Variants in XKR6 observed in about 807,000 individuals in gnomAD.
The protein encoded by XKR6 is XK related 6, also known as XK-related protein 6.
XKR6 carries 22 observed loss-of-function variants against 56.7 expected under a neutral mutation model. The observed-to-expected ratio is 0.39, with a 90% CI of 0.28 to 0.55. The LOEUF (loss-of-function observed/expected upper bound fraction) is 0.55. Among genes scored for constraint, XKR6 ranks in the 20% least tolerant of loss-of-function variants. The pLI, the probability that XKR6 is intolerant of heterozygous loss-of-function variation, is 0.66. For missense variants in XKR6, 852 were observed against 889.0 expected, an observed-to-expected ratio of 0.96 and a Z score of 0.53; for synonymous variants, 524 against 387.8, an observed-to-expected ratio of 1.35 and a Z score of -4.13.
chr8:10,907,826 C>T (rs753883014), intron 2 of XKR6, among the ~76,000 whole-genome samples: 5 of 152,188 alleles, frequency 3.3e-5, no homozygotes, highest in Non-Finnish European at 4.4e-5. Context: ...GGACCCACCC[C>T]GCGGAGGCCC....
chr8:10,986,136 C>G (rs1797859107), intron 1 of XKR6, among the ~76,000 whole-genome samples: 1 of 152,174 alleles, frequency 6.6e-6, no homozygotes, highest in Admixed American at 6.5e-5. Context: ...CTGAAGATCA[C>G]ACTGGAATAT....
At chr8:11,022,753 T>C (rs570504342) in intron 1 of XKR6, among the ~76,000 whole-genome samples, 3 of 152,308 alleles carry the variant, frequency 2.0e-5, no homozygotes, top group Non-Finnish European at 2.9e-5. Flanking sequence ...GACCCAAGCT[T>C]TTTATTTTTA....
At chr8:10,986,849 C>T (rs941695651) in intron 1 of XKR6, among the ~76,000 whole-genome samples, 2 of 151,602 alleles carry the variant, frequency 1.3e-5, no homozygotes, top group Non-Finnish European at 2.9e-5. Context: ...AAACATAGCT[C>T]ACTGCAGCAT....
intron 1 of XKR6, chr8:11,108,663 T>C (rs1018625322): frequency 8.5e-6 from 2 of 235,586 alleles, no homozygotes; most frequent in Admixed American, 5.8e-5. Flanking sequence ...CTCAGTTCTA[T>C]GCGTGGAAAA....
chr8:11,140,741 C>G (rs1445883569), intron 1 of XKR6, among the ~76,000 whole-genome samples: 2 of 151,832 alleles, frequency 1.3e-5, no homozygotes, highest in Non-Finnish European at 2.9e-5. Context: ...ACTAAAAATA[C>G]AAAACAATTA....
chr8:10,985,774 C>A (rs1404700900), intron 1 of XKR6, among the ~76,000 whole-genome samples: 1 of 152,140 alleles, frequency 6.6e-6, no homozygotes, highest in African/African-American at 2.4e-5. Flanking sequence ...TTATTAGAAG[C>A]ATGAGAACAG....
At chr8:10,942,329 T>C (rs907176279) in intron 1 of XKR6, among the ~76,000 whole-genome samples, 1 of 152,224 alleles carries the variant, frequency 6.6e-6, no homozygotes, top group Non-Finnish European at 1.5e-5. Flanking sequence ...TATCCATACA[T>C]GCAACACACA....
At chr8:10,915,540 C>T (rs1800537207) in intron 2 of XKR6, among the ~76,000 whole-genome samples, 1 of 152,026 alleles carries the variant, frequency 6.6e-6, no homozygotes, top group Non-Finnish European at 1.5e-5. Flanking sequence ...AGAACCCTCC[C>T]TCTCGCCATT....
intron 1 of XKR6, among the ~76,000 whole-genome samples, chr8:11,152,630 A>G (rs903693077): frequency 2.6e-5 from 4 of 152,212 alleles, no homozygotes; most frequent in East Asian, 1.9e-4. Flanking sequence ...TCTAATATCA[A>G]TAACACCCAG....
At chr8:11,011,711 G>A (rs1048989017) in intron 1 of XKR6, among the ~76,000 whole-genome samples, 10 of 152,184 alleles carry the variant, frequency 6.6e-5, no homozygotes, top group Admixed American at 3.3e-4. Context: ...GCTGCGATGC[G>A]GGAAGGCCTC....
chr8:10,904,088 T>C (rs1323992800), intron 2 of XKR6, among the ~76,000 whole-genome samples: 1 of 152,168 alleles, frequency 6.6e-6, no homozygotes, highest in Non-Finnish European at 1.5e-5. Context: ...TCCAGCTCCA[T>C]CACTGACTGC....
At chr8:11,131,891 C>T (rs567943241) in intron 1 of XKR6, among the ~76,000 whole-genome samples, 7 of 152,158 alleles carry the variant, frequency 4.6e-5, no homozygotes, top group African/African-American at 1.7e-4. Context: ...GTAGACTATA[C>T]CATCTAGGTT....
intron 1 of XKR6, among the ~76,000 whole-genome samples, chr8:11,184,751 C>G (rs1803179867): frequency 2.6e-5 from 4 of 152,078 alleles, no homozygotes; most frequent in Admixed American, 2.6e-4. Flanking sequence ...AGGCTGGTCT[C>G]AAACTCCTGG....
At chr8:10,919,680 T>C (rs1352879227) in intron 2 of XKR6, among the ~76,000 whole-genome samples, 2 of 152,216 alleles carry the variant, frequency 1.3e-5, no homozygotes, top group Admixed American at 6.5e-5. Flanking sequence ...GGTCAATACA[T>C]GGCAGAGCTG....
At chr8:11,114,773 G>GTGTGTGTGTGTATA (rs34746866) in intron 1 of XKR6, among the ~76,000 whole-genome samples, 2,452 of 146,552 alleles carry the variant, frequency 0.017, 42 homozygotes, top group Non-Finnish European at 0.029. Flanking sequence ...GTGTGTGTGT[G>GTGTGTGTGTGTATA]TATGTGCCAG....
intron 1 of XKR6, among the ~76,000 whole-genome samples, chr8:11,031,926 C>A (rs1178834975): frequency 6.6e-6 from 1 of 152,192 alleles, no homozygotes; most frequent in Non-Finnish European, 1.5e-5. Flanking sequence ...TGGAAGGATG[C>A]CTGTTGAATG....
intron 1 of XKR6, among the ~76,000 whole-genome samples, chr8:10,976,817 T>A (rs1421223173): frequency 6.6e-6 from 1 of 152,060 alleles, no homozygotes; most frequent in Non-Finnish European, 1.5e-5. Flanking sequence ...CCTAGGATTT[T>A]ACTTGCAATC....
rs117245688 is a variant in XKR6, at chr8:11,198,025, C to G, written c.764+2551G>C. 4.6e-3 allele frequency among the ~76,000 whole-genome samples: 701 copies of G among 152,304 alleles called. 5 individuals carry two copies. The highest frequency in any genetic ancestry group is 9.1e-3 in the Admixed American group (139 of 15,306). The stretch of plus-strand genomic sequence containing the variant: ...AAACCAAATGATAGAAATATTAGAT[C>G]TTAACCTTTATGTTATGTGACCATA... On this transcript the variant is annotated intron_variant, in intron 1 of 2. Coordinates refer to ENST00000416569, the MANE Select transcript of XKR6 (RefSeq NM_173683.4).
intron 1 of XKR6, among the ~76,000 whole-genome samples, chr8:11,121,945 A>G (rs1415262988): frequency 6.6e-6 from 1 of 152,262 alleles, no homozygotes; most frequent in East Asian, 1.9e-4. Context: ...ACAAAAAACC[A>G]TATACCACAT....
Sources: allele counts gnomAD v4.1 joint callset (sites outside exome capture counted in the v4.1 genomes callset), GRCh38; gene constraint gnomAD v4.1.1; transcripts MANE v1.5; gene names NCBI Gene and HGNC (gene_info 2026-07-23, HGNC 2026-07-21).